Variants in GFRA1 observed in about 807,000 individuals in gnomAD.
GFRA1 encodes the protein GDNF family receptor alpha-1.
GFRA1 carries 16 observed loss-of-function variants against 51.6 expected under a neutral mutation model. The observed-to-expected ratio is 0.31, with a 90% CI of 0.21 to 0.47. GFRA1 has a LOEUF of 0.47. Among genes scored for constraint, GFRA1 ranks in the 20% least tolerant of loss-of-function variants. The pLI, the probability that GFRA1 is intolerant of heterozygous loss-of-function variation, is 1.00. For synonymous variants in GFRA1, 270 were observed against 241.3 expected, an observed-to-expected ratio of 1.12 and a Z score of -1.10; for missense variants, 530 against 594.3, an observed-to-expected ratio of 0.89 and a Z score of 1.13.
At chr10:116,266,979 T>TA (rs896968290) in intron 4 of GFRA1, among the ~76,000 whole-genome samples, 5 of 151,936 alleles carry the variant, frequency 3.3e-5, no homozygotes, top group Non-Finnish European at 5.9e-5. Flanking sequence ...AAAATGAGTG[T>TA]AAAAAAACTC....
chr10:116,069,812 C>T (rs1038780581), intron 9 of GFRA1, among the ~76,000 whole-genome samples: 4 of 152,176 alleles, frequency 2.6e-5, no homozygotes, highest in Non-Finnish European at 5.9e-5. Context: ...CAGCCCAGTC[C>T]CTACGTGGGT....
intron 8 of GFRA1, among the ~76,000 whole-genome samples, chr10:116,090,351 TAA>T (rs1956279979): frequency 6.8e-6 from 1 of 146,314 alleles, no homozygotes; most frequent in East Asian, 2.0e-4. Flanking sequence ...TAGTGCTTTT[TAA>T]AAAAAATCCT....
At chr10:116,244,140 A>G (rs1967652023) in intron 4 of GFRA1, among the ~76,000 whole-genome samples, 1 of 152,102 alleles carries the variant, frequency 6.6e-6, no homozygotes, top group South Asian at 2.1e-4. Flanking sequence ...GAAAGAGCCT[A>G]CATGAACAAG....
intron 5 of GFRA1, among the ~76,000 whole-genome samples, chr10:116,151,047 C>T (rs1836286764): frequency 6.6e-6 from 1 of 151,910 alleles, no homozygotes; most frequent in Non-Finnish European, 1.5e-5. Context: ...AAGAACATCC[C>T]CTGGGAGTCC....
rs1232263952 is a variant in GFRA1, at chr10:116,270,862, G to A, written c.294C>T (p.Asn98=). 1.2e-6 allele frequency: 2 copies of A among 1,613,920 alleles called. No homozygotes were observed. The highest frequency in any genetic ancestry group is 2.2e-5 in the South Asian group (2 of 91,086). ...ACATGCTCCAGTAAATGCGCAGGCA[G>A]TTCTTCTCCTTCTTCATACCCCGCT... is the stretch of plus-strand genomic sequence containing the variant. ...RCKRGMKKEK[N]CLRIYWSMYQ... is the part of the protein sequence containing the mutation. The change falls in exon 3 of 11, where the codon AAC becomes AAT. Residue 98 remains asparagine (N), a synonymous_variant. Transcript: ENST00000355422.
intron 5 of GFRA1, among the ~76,000 whole-genome samples, chr10:116,188,136 G>A (rs1303533584): frequency 1.3e-5 from 2 of 152,102 alleles, no homozygotes; most frequent in Non-Finnish European, 2.9e-5. Flanking sequence ...AGTAGAAGAG[G>A]GAAGCGGACT....
rs772474099 is a variant in GFRA1 at position 116,082,768 on chromosome 10, A to G, written c.1197+6973T>C. On this transcript the variant is annotated intron_variant, in intron 9 of 10. Transcript: ENST00000355422. ...GCTGGGATTACAGGTGTGAGCCACC[A>G]CACCCAGCCTCAAACCCTTCTTATT... 1.6e-3 allele frequency among the ~76,000 whole-genome samples: 247 copies of G among 152,240 alleles called. 1 individual carries two copies. Among genetic ancestry groups the G allele is most frequent in the Non-Finnish European group, 1.9e-3 (131 of 68,004 alleles).
intron 4 of GFRA1, among the ~76,000 whole-genome samples, chr10:116,237,574 C>CAAAAAAAAAAAAA (rs5788145): frequency 8.9e-6 from 1 of 112,592 alleles, no homozygotes; most frequent in Non-Finnish European, 1.9e-5. Context: ...AAACTAAAGG[C>CAAAAAAAAAAAAA]AAAAAAAAAA....
At chr10:116,075,777 C>A (rs372848793) in intron 9 of GFRA1, among the ~76,000 whole-genome samples, 109 of 152,058 alleles carry the variant, frequency 7.2e-4, no homozygotes, top group African/African-American at 2.6e-3. Flanking sequence ...CGGAGTCTTG[C>A]TCTTTCACCC....
At chr10:116,261,339 C>G (rs189449451) in intron 4 of GFRA1, among the ~76,000 whole-genome samples, 115 of 152,308 alleles carry the variant, frequency 7.6e-4, no homozygotes, top group African/African-American at 2.7e-3. Flanking sequence ...GGGGACGGGA[C>G]TAGAACGACC....
intron 5 of GFRA1, among the ~76,000 whole-genome samples, chr10:116,184,292 G>A (rs1475190525): frequency 6.6e-6 from 1 of 152,242 alleles, no homozygotes; most frequent in Non-Finnish European, 1.5e-5. Context: ...GGCCTCAAAT[G>A]TTATGGGCTG....
Position 116,096,780 on chromosome 10 carries a change from AGGGGTGG to A in GFRA1, c.771-23_771-17del. ...AAGGCGAGATCTACAATAGGAAAAAAGGGGTGGGGGGTGGAAATGTGCTTTAAAACAT... is the reference window on the plus strand; with the variant it reads ...AAGGCGAGATCTACAATAGGAAAAAAGGGGTGGAAATGTGCTTTAAAACAT... On this transcript the variant is annotated splice_polypyrimidine_tract_variant and intron_variant, in intron 6 of 10. Transcript: ENST00000355422. The A allele has an allele frequency of 7.2e-7, 1 of 1,382,010 alleles. No homozygotes were observed. Among genetic ancestry groups the A allele is most frequent in the Non-Finnish European group, 1.0e-6 (1 of 972,040 alleles). 85.6% of individuals were successfully genotyped at this position (1,382,010 alleles called of 1,614,324 possible).
At chr10:116,226,799 C>A in intron 4 of GFRA1, 1 of 409,206 alleles carries the variant, frequency 2.4e-6, no homozygotes, top group South Asian at 1.8e-5. Context: ...GAGGGTCCTA[C>A]CTGGGAGGGA....
rs962739288 is a variant in GFRA1 at position 116,067,856 on chromosome 10, G to A, written c.1198-2230C>T. The stretch of plus-strand genomic sequence containing the variant: ...GGATCTTGTCTTCTACCTGGAAATG[G>A]CAGGCATAACTTCAATTTCACAGGA... On this transcript the variant is annotated intron_variant, in intron 9 of 10. Transcript: ENST00000355422. 3.9e-5 allele frequency among the ~76,000 whole-genome samples: 6 copies of A among 152,276 alleles called. 1 individual carries two copies. Among genetic ancestry groups the A allele is most frequent in the East Asian group, 3.9e-4 (2 of 5,182 alleles).
At chr10:116,181,275 A>G (rs1401469341) in intron 5 of GFRA1, among the ~76,000 whole-genome samples, 2 of 152,198 alleles carry the variant, frequency 1.3e-5, no homozygotes, top group African/African-American at 4.8e-5. Context: ...TCTATACAGA[A>G]TGAGAGAATG....
intron 9 of GFRA1, among the ~76,000 whole-genome samples, chr10:116,066,087 A>C (rs1290862440): frequency 6.6e-6 from 1 of 152,164 alleles, no homozygotes; most frequent in Non-Finnish European, 1.5e-5. Context: ...CGTTGCAATA[A>C]ACATCTGCAT....
intron 4 of GFRA1, among the ~76,000 whole-genome samples, chr10:116,224,152 G>A (rs547976086): frequency 3.3e-5 from 5 of 152,062 alleles, no homozygotes; most frequent in Non-Finnish European, 5.9e-5. Flanking sequence ...TGTTATAGCC[G>A]CACAAACAAA....
rs370585638 is a variant in GFRA1, at chr10:116,149,122, A to G, written c.434-23565T>C. Among the ~76,000 whole-genome samples the G allele has an allele frequency of 1.4e-4, 22 of 152,258 alleles. No individual in the cohort carries two copies. The East Asian group carries it at 3.5e-3, about 24-fold the overall frequency. On this transcript the variant is annotated intron_variant, in intron 5 of 10. Coordinates refer to ENST00000355422, the MANE Select transcript of GFRA1 (RefSeq NM_005264.8). ...CACATCTTTAAAATATGCTTCCAGG[A>G]TGCTCCTGGAAAACAGGAGATGTTA...
intron 4 of GFRA1, among the ~76,000 whole-genome samples, chr10:116,233,764 T>A (rs146465771): frequency 0.01 from 1,571 of 152,314 alleles, 42 homozygotes; most frequent in African/African-American, 0.036. Flanking sequence ...CTGGGCGATG[T>A]AAATACTTTG....
Sources: allele counts gnomAD v4.1 joint callset (sites outside exome capture counted in the v4.1 genomes callset), GRCh38; gene constraint gnomAD v4.1.1; transcripts MANE v1.5; gene names NCBI Gene and HGNC (gene_info 2026-07-23, HGNC 2026-07-21).